Variants in VWA3B observed in about 807,000 individuals in gnomAD.
VWA3B encodes the protein von Willebrand factor A domain-containing protein 3B.
VWA3B carries 138 observed loss-of-function variants against 158.3 expected under a neutral mutation model. The ratio of observed to expected loss-of-function variants is 0.87; its 90% CI spans 0.76 to 1.00. VWA3B has a LOEUF of 1.00. Among genes scored for constraint, VWA3B ranks in the 50% least tolerant of loss-of-function variants. The probability of loss-of-function intolerance (pLI) is 0.00; values close to 1 mark genes in which losing one functional copy is unlikely to be tolerated. For missense variants in VWA3B, 1,555 were observed against 1,565.1 expected (o/e 0.99, Z 0.11); for synonymous variants, 596 against 587.3 (o/e 1.01, Z -0.21).
intron 7 of VWA3B, among the ~76,000 whole-genome samples, chr2:98,159,850 T>G (rs1573939637): frequency 6.6e-6 from 1 of 151,724 alleles, no homozygotes; most frequent in Middle Eastern, 3.4e-3. Context: ...AAACCCCATC[T>G]CTACTAAAAA....
chr2:98,308,651 C>T (rs983113759), intron 26 of VWA3B, among the ~76,000 whole-genome samples: 2 of 152,226 alleles, frequency 1.3e-5, no homozygotes, highest in African/African-American at 4.8e-5. Flanking sequence ...CAGGGGGAGG[C>T]ACCTGGTGGG....
chr2:98,161,173 C>T (rs1052072913), intron 7 of VWA3B, among the ~76,000 whole-genome samples: 6 of 152,276 alleles, frequency 3.9e-5, no homozygotes, highest in Admixed American at 1.3e-4. Context: ...AGGGGCTTTT[C>T]GGTGTATTTG....
In VWA3B at chr2:98,119,532, T is replaced by C; in HGVS notation, c.311T>C (p.Leu104Pro). ...RVYNLTAKSE[L>P]IYQFVEHLTQ... ...ATTAAGCTGACAGCTAAATCAGAAC[T>C]GATTTATCAGTTTGTGGAACATTTA... Residue 104 changes from leucine to proline, a missense_variant, in exon 4 of 28, where the codon CTG (leucine) becomes CCG (proline). By Grantham distance (98) the Leu-to-Pro change is moderately conservative. Transcript: ENST00000477737. 6.2e-7 allele frequency: 1 copy of C among 1,613,974 alleles called. No homozygotes were observed. Among genetic ancestry groups the C allele is most frequent in the Non-Finnish European group, 8.5e-7 (1 of 1,179,998 alleles).
chr2:98,088,580 G>A (rs1008335618), intron 1 of VWA3B, among the ~76,000 whole-genome samples: 2 of 151,984 alleles, frequency 1.3e-5, no homozygotes, highest in African/African-American at 4.8e-5. Context: ...CAAACTCTAT[G>A]TATGGTTCTT....
In VWA3B at chr2:98,303,718, G is replaced by A. The variant is rs770512487; in HGVS notation, c.3437G>A (p.Ser1146Asn). 6.8e-6 allele frequency: 11 copies of A among 1,614,164 alleles called. No homozygotes were observed. In the South Asian group the frequency reaches 1.1e-4, roughly 16 times the overall value. Residue 1146 changes from serine (S) to asparagine (N), a missense_variant, in exon 26 of 28, where the codon AGT becomes AAT. Coordinates refer to ENST00000477737, the MANE Select transcript of VWA3B (RefSeq NM_144992.5). ...CNNRREFCPRSALIKISQNKY... is the reference protein window; with the variant it reads ...CNNRREFCPRNALIKISQNKY... ...TTATTACAGGAATTTTGCCCTCGGAGTGCACTTATTAAGATCAGCCAAAAC... is the reference window on the plus strand; with the variant it reads ...TTATTACAGGAATTTTGCCCTCGGAATGCACTTATTAAGATCAGCCAAAAC...
At chr2:98,191,638 C>T (rs995405932) in intron 10 of VWA3B, among the ~76,000 whole-genome samples, 1 of 152,194 alleles carries the variant, frequency 6.6e-6, no homozygotes, top group Non-Finnish European at 1.5e-5. Context: ...TTTTCCTACT[C>T]TGGCTGGTAG....
intron 22 of VWA3B, among the ~76,000 whole-genome samples, chr2:98,286,312 A>G (rs983730389): frequency 1.3e-5 from 2 of 152,174 alleles, no homozygotes; most frequent in African/African-American, 4.8e-5. Context: ...AATGTTGAAT[A>G]GAAGTGGTGA....
At chr2:98,188,825 G>A (rs1681344771) in intron 10 of VWA3B, among the ~76,000 whole-genome samples, 2 of 152,168 alleles carry the variant, frequency 1.3e-5, no homozygotes, top group Admixed American at 1.3e-4. Flanking sequence ...GGGTTGTTTG[G>A]ATTCAGATCC....
chr2:98,089,920 T>A (rs1314046391), intron 1 of VWA3B, among the ~76,000 whole-genome samples: 1 of 152,106 alleles, frequency 6.6e-6, no homozygotes, highest in Non-Finnish European at 1.5e-5. Context: ...TTTTTGGGGA[T>A]CAAAAACATG....
At chr2:98,179,364 C>G in intron 8 of VWA3B, 1 of 470,358 alleles carries the variant, frequency 2.1e-6, no homozygotes, top group Non-Finnish European at 4.4e-6. Flanking sequence ...TGGAAAACAC[C>G]ACGAGAATGT....
chr2:98,115,852 G>A lies in VWA3B; in HGVS notation c.291+106G>A, dbSNP rs994601055. The A allele has an allele frequency of 3.3e-6, 3 of 899,282 alleles. No individual in the cohort carries two copies. The Admixed American group carries it at 6.4e-5, about 19-fold the overall frequency. 55.7% of individuals were successfully genotyped at this position (899,282 alleles called of 1,614,324 possible). On this transcript the variant is annotated intron_variant, in intron 3 of 27. Transcript: ENST00000477737. ...TGTGCTGCTTGGCAGGGATGCAGCT[G>A]AGCCAAGCCCTTATTAGGCTGGGGG...
chr2:98,126,730 A>G (rs1016779292), intron 5 of VWA3B, among the ~76,000 whole-genome samples: 31 of 152,174 alleles, frequency 2.0e-4, no homozygotes, highest in African/African-American at 6.8e-4. Context: ...CTCGATCAGT[A>G]CTTTTTAGAA....
At chr2:98,309,159 G>C (rs1690722820) in intron 26 of VWA3B, among the ~76,000 whole-genome samples, 1 of 141,998 alleles carries the variant, frequency 7.0e-6, no homozygotes, top group Non-Finnish European at 1.5e-5. Context: ...GACAGAGCGA[G>C]ACTCTGTCAA....
At chr2:98,212,249 G>A (rs1683591189) in intron 13 of VWA3B, 1 of 450,022 alleles carries the variant, frequency 2.2e-6, no homozygotes, top group Non-Finnish European at 4.0e-6. Context: ...TGCCTGGTGA[G>A]TGTGACACAC....
At chr2:98,326,765 A>G in the VWA3B span, among the ~76,000 whole-genome samples, 1 of 151,958 alleles carries the variant, frequency 6.6e-6, no homozygotes. Flanking sequence ...TCAAGAAAAT[A>G]AATAAATAAA....
At chr2:98,177,772 T>TG (rs973491819) in intron 8 of VWA3B, among the ~76,000 whole-genome samples, 32 of 152,286 alleles carry the variant, frequency 2.1e-4, no homozygotes, top group African/African-American at 7.2e-4. Context: ...AGTTAGTCTC[T>TG]GACTCTTTCA....
chr2:98,211,208 T>G (rs1245993019), intron 12 of VWA3B, among the ~76,000 whole-genome samples: 1 of 152,210 alleles, frequency 6.6e-6, no homozygotes, highest in African/African-American at 2.4e-5. Context: ...TTGGTTTTCT[T>G]GCTTACAACT....
intron 21 of VWA3B, among the ~76,000 whole-genome samples, chr2:98,270,367 C>T (rs1222183054): frequency 2.6e-5 from 4 of 151,650 alleles, no homozygotes; most frequent in Non-Finnish European, 5.9e-5. Context: ...GCTCCAAATA[C>T]GGAGAAAAAA....
At chr2:98,090,180 A>G (rs1311611104) in intron 1 of VWA3B, among the ~76,000 whole-genome samples, 1 of 152,178 alleles carries the variant, frequency 6.6e-6, no homozygotes, top group Admixed American at 6.5e-5. Context: ...GGAACAACTG[A>G]CCAAATTTAA....
Sources: allele counts gnomAD v4.1 joint callset (sites outside exome capture counted in the v4.1 genomes callset), GRCh38; gene constraint gnomAD v4.1.1; transcripts MANE v1.5; gene names NCBI Gene and HGNC (gene_info 2026-07-23, HGNC 2026-07-21).